The following ZNF532 variants were observed in gnomAD, a reference collection of about 807,000 sequenced individuals.
ZNF532 encodes the protein zinc finger protein 532.
Under a neutral mutation model 89.3 loss-of-function variants are expected in ZNF532, and 22 were observed. The observed-to-expected ratio is 0.25, with a 90% CI of 0.18 to 0.35. The LOEUF (loss-of-function observed/expected upper bound fraction) is 0.35. Among genes scored for constraint, ZNF532 ranks in the 10% least tolerant of loss-of-function variants. ZNF532 has a pLI of 1.00. For synonymous variants in ZNF532, 606 were observed against 649.6 expected (o/e 0.93, Z 1.02); for missense variants, 1,132 against 1,643.4 (o/e 0.69, Z 5.38).
rs2060408464 is a variant in ZNF532, at chr18:58,913,505, CT to C, written c.-17-4763del. On this transcript the variant is annotated intron_variant, in intron 2 of 9. Transcript: ENST00000591808. The stretch of plus-strand genomic sequence containing the variant: ...GTGGCTCACACCTGTAATCCTGGCA[CT>C]TTGGGAGGCTGAGGCAGGAGGATTG... 2.0e-5 allele frequency among the ~76,000 whole-genome samples: 3 copies of C among 152,054 alleles called. No individual in the cohort carries two copies. The South Asian group carries it at 6.2e-4, about 32-fold the overall frequency.
At chr18:58,977,353 C>T (rs1004296327) in intron 7 of ZNF532, 1 of 152,190 alleles carries the variant, frequency 6.6e-6, no homozygotes, top group Admixed American at 6.5e-5. Context: ...GAGGCAGGCA[C>T]TGTTGCAAGC....
intron 2 of ZNF532, among the ~76,000 whole-genome samples, chr18:58,911,663 G>A (rs1225112011): frequency 1.3e-5 from 2 of 152,200 alleles, no homozygotes; most frequent in Non-Finnish European, 2.9e-5. Flanking sequence ...CTCCAGCCTG[G>A]ACAGCAGAGC....
chr18:58,867,458 T>C (rs759749917), intron 2 of ZNF532, among the ~76,000 whole-genome samples: 13 of 152,178 alleles, frequency 8.5e-5, no homozygotes, highest in South Asian at 4.1e-4. Context: ...CAGGTGTTGA[T>C]CTCATGCTGA....
At chr18:58,895,411 T>A (rs1393568494) in intron 2 of ZNF532, among the ~76,000 whole-genome samples, 1 of 152,236 alleles carries the variant, frequency 6.6e-6, no homozygotes, top group African/African-American at 2.4e-5. Context: ...AAATGTGCTT[T>A]AATATATTAA....
At chr18:58,885,057 C>G (rs777471301) in intron 2 of ZNF532, among the ~76,000 whole-genome samples, 1 of 149,996 alleles carries the variant, frequency 6.7e-6, no homozygotes, top group African/African-American at 2.5e-5. Context: ...GGCATGATCA[C>G]GGCTCACCGC....
At chr18:58,878,708 A>G (rs1314851918) in intron 2 of ZNF532, among the ~76,000 whole-genome samples, 1 of 152,198 alleles carries the variant, frequency 6.6e-6, no homozygotes, top group Non-Finnish European at 1.5e-5. Flanking sequence ...CTGAAAGACT[A>G]GATTGTTTAG....
chr18:58,884,376 G>A (rs567624695), intron 2 of ZNF532, among the ~76,000 whole-genome samples: 36 of 152,170 alleles, frequency 2.4e-4, no homozygotes, highest in African/African-American at 8.7e-4. Context: ...GTGAGACTCC[G>A]TCTCAAAATT....
Position 58,919,031 on chromosome 18 carries a change from G to T in ZNF532, c.744G>T (p.Lys248Asn), listed in dbSNP as rs2060819178. 6.2e-7 allele frequency: 1 copy of T among 1,613,754 alleles called. No individual in the cohort carries two copies. The highest frequency in any genetic ancestry group is 1.1e-5 in the South Asian group (1 of 91,082). Reference protein sequence around the residue: ...RVLDGKLSSEKNDTSLPSVAP... With the variant: ...RVLDGKLSSENNDTSLPSVAP... ...TAGATGGGAAGCTGAGCTCCGAGAAGAATGACACCAGCCTCCCCAGCGTTG... is the reference window on the plus strand; with the variant it reads ...TAGATGGGAAGCTGAGCTCCGAGAATAATGACACCAGCCTCCCCAGCGTTG... The change falls in exon 3 of 10, where the codon AAG (lysine) becomes AAT (asparagine). Residue 248 changes from lysine (K) to asparagine (N), a missense_variant. This residue lies in a region of ZNF532 where 302 missense variants were observed against 319.8 expected (regional missense o/e 0.94). Transcript: ENST00000591808. The surrounding 1 kb of genome is among the most constrained non-coding windows in gnomAD (Gnocchi z 6.1).
rs566874390 is a variant in ZNF532 at position 58,962,607 on chromosome 18, C to CTTT, written c.3150+8819_3150+8821dup. ...AGGGGTGGGACCTGGCCCTGGCATT[C>CTTT]TTTTTTTTTTTTTGAGATGGAGTCT... On this transcript the variant is annotated intron_variant, in intron 7 of 9. Transcript: ENST00000591808. Among the ~76,000 whole-genome samples, 28 of 143,716 alleles carry CTTT rather than the reference C, an allele frequency of 1.9e-4. No homozygotes were observed. The East Asian group carries it at 4.0e-3, about 20-fold the overall frequency. The allele number at this position is 143,716 out of a possible 152,430, so 94.3% of individuals were successfully genotyped here.
chr18:58,936,625 G>C (rs1380107779), intron 4 of ZNF532, among the ~76,000 whole-genome samples: 1 of 152,178 alleles, frequency 6.6e-6, no homozygotes, highest in Non-Finnish European at 1.5e-5. Context: ...ATTTCAAGTT[G>C]TTAACCAAAA....
At chr18:58,890,388 G>T (rs1235715776) in intron 2 of ZNF532, among the ~76,000 whole-genome samples, 2 of 151,814 alleles carry the variant, frequency 1.3e-5, no homozygotes, top group Admixed American at 1.3e-4. Flanking sequence ...TACCCAGAGG[G>T]CCATTATTGT....
At chr18:58,881,686 T>C (rs573531138) in intron 2 of ZNF532, among the ~76,000 whole-genome samples, 1 of 152,354 alleles carries the variant, frequency 6.6e-6, no homozygotes, top group East Asian at 1.9e-4. Context: ...GTCATTTTTA[T>C]AGCTAATTGG....
At chr18:58,932,212 G>T (rs1012939412) in intron 3 of ZNF532, among the ~76,000 whole-genome samples, 8 of 152,170 alleles carry the variant, frequency 5.3e-5, no homozygotes, top group African/African-American at 1.9e-4. Flanking sequence ...ATCGAAAGTG[G>T]GTGAGGAGCC....
At chr18:58,908,940 T>C (rs910436770) in intron 2 of ZNF532, among the ~76,000 whole-genome samples, 39 of 152,332 alleles carry the variant, frequency 2.6e-4, no homozygotes, top group African/African-American at 9.1e-4. Context: ...TTTTATGGTT[T>C]GTGAAATGCT....
chr18:58,895,859 T>C (rs2059213353), intron 2 of ZNF532, among the ~76,000 whole-genome samples: 1 of 144,930 alleles, frequency 6.9e-6, no homozygotes, highest in South Asian at 2.1e-4. Flanking sequence ...CTTTCTTTCT[T>C]TTTTTTTTTT....
rs1159762104 is a variant in ZNF532 at position 58,986,458 on chromosome 18, TAA to T, written c.*1996_*1997del. 1 of 152,662 alleles carries T rather than the reference TAA, an allele frequency of 6.6e-6. No individual in the cohort carries two copies. Among genetic ancestry groups the T allele is most frequent in the Admixed American group, 6.5e-5 (1 of 15,286 alleles). The allele number at this position is 152,662 out of a possible 1,614,324, so 9.5% of individuals were successfully genotyped here. A position where few individuals can be genotyped will look rare whatever the true frequency, so the allele number is the denominator to read the frequency against. ...GACAAATATTCATTTATTCAACAAATAAAAAGTATGTACAAAACATGATACAG... is the reference window on the plus strand; with the variant it reads ...GACAAATATTCATTTATTCAACAAATAAAGTATGTACAAAACATGATACAG... On this transcript the variant is annotated 3_prime_UTR_variant, in exon 10 of 10. Transcript: ENST00000591808.
At chr18:58,898,622 C>T (rs2059399130) in intron 2 of ZNF532, among the ~76,000 whole-genome samples, 1 of 152,180 alleles carries the variant, frequency 6.6e-6, no homozygotes, top group African/African-American at 2.4e-5. Context: ...CCGCGCTAGA[C>T]CCGCTGATCC....
chr18:58,942,333 C>CCCTCCCTTCCTTCCTT (rs1555740301), intron 5 of ZNF532, among the ~76,000 whole-genome samples: 8 of 59,268 alleles, frequency 1.3e-4, no homozygotes, highest in Non-Finnish European at 3.2e-5. Flanking sequence ...CTCCCTCCCT[C>CCCTCCCTTCCTTCCTT]CCTCCCTCCC....
rs571276742 is a variant in ZNF532, at chr18:58,897,707, C to T, written c.-17-20564C>T. 5.1e-4 allele frequency among the ~76,000 whole-genome samples: 78 copies of T among 152,294 alleles called. 2 individuals carry two copies. In the South Asian group the frequency reaches 0.015, roughly 30 times the overall value. On this transcript the variant is annotated intron_variant, in intron 2 of 9. Coordinates refer to ENST00000591808, the MANE Select transcript of ZNF532 (RefSeq NM_001375912.1). ...GTGGCTCACACCTGTAATCCCAGCA[C>T]TTAGGGAGCCCGAGGCAGGCAGATC...
Sources: gnomAD v4.1 joint callset for allele counts (sites outside exome capture counted in the v4.1 genomes callset) on GRCh38, gnomAD v4.1.1 for gene constraint, gnomAD v4.1.1 regional missense constraint, Gnocchi (gnomAD v3.1) non-coding constraint, MANE v1.5 for transcripts, NCBI Gene and HGNC (gene_info 2026-07-23, HGNC 2026-07-21) for gene names.